L3MBTL2: variants seen among roughly 807,000 people sequenced by gnomAD.
The protein encoded by L3MBTL2 is lethal(3)malignant brain tumor-like protein 2.
Under a neutral mutation model 86.4 loss-of-function variants are expected in L3MBTL2, and 49 were observed. That is an observed-to-expected ratio of 0.57 (90% CI 0.45 to 0.72). L3MBTL2 has a LOEUF of 0.72. Among genes scored for constraint, L3MBTL2 ranks in the 30% least tolerant of loss-of-function variants. L3MBTL2 has a pLI of 0.00. For missense variants in L3MBTL2, 755 were observed against 923.7 expected (o/e 0.82, Z 2.37); for synonymous variants, 336 against 350.6 (o/e 0.96, Z 0.47).
Position 41,224,945 on chromosome 22 carries a change from C to G in L3MBTL2, c.1252-22C>G. The G allele has an allele frequency of 6.2e-7, 1 of 1,607,008 alleles. No homozygotes were observed. On this transcript the variant is annotated intron_variant, in intron 10 of 16. Transcript: ENST00000216237. This position sits in a 1 kb window ranked among gnomAD's most constrained non-coding sequence, Gnocchi z 4.9. Reference sequence around the variant, plus strand: ...TCCTCCTGGCCTGCCCAGGGAGTCCCCAGCTGTCCCATTCCTTTAAGGTAC... The same window carrying G: ...TCCTCCTGGCCTGCCCAGGGAGTCCGCAGCTGTCCCATTCCTTTAAGGTAC...
intron 2 of L3MBTL2, among the ~76,000 whole-genome samples, chr22:41,211,808 C>T (rs983879272): frequency 1.4e-5 from 2 of 147,872 alleles, no homozygotes; most frequent in Non-Finnish European, 3.0e-5. Flanking sequence ...CTGCCCTCCT[C>T]GGCCTCCAAA....
intron 15 of L3MBTL2, chr22:41,228,348 T>C (rs1159041555): frequency 2.0e-6 from 2 of 985,366 alleles, no homozygotes; most frequent in East Asian, 2.3e-4. Context: ...CACCTGGCTC[T>C]CAGGCCGTGG....
chr22:41,206,080 G>T, intron 1 of L3MBTL2: 1 of 152,058 alleles, frequency 6.6e-6, no homozygotes, highest in Non-Finnish European at 1.5e-5. Flanking sequence ...CCGTCTCCCG[G>T]GTTCAAGCAA....
At chr22:41,226,775 G>C (rs1043304710) in intron 13 of L3MBTL2, 31 bp downstream of exon 13, 2 of 1,536,414 alleles carry the variant, frequency 1.3e-6, no homozygotes, top group African/African-American at 2.7e-5. Context: ...CAAGGGGCCT[G>C]CGGTGGCCTC....
chr22:41,207,420 C>T (rs1024676886), intron 1 of L3MBTL2, among the ~76,000 whole-genome samples: 1 of 151,426 alleles, frequency 6.6e-6, no homozygotes, highest in African/African-American at 2.4e-5. Context: ...ACAGGGTTTC[C>T]CTATGTTGCC....
Position 41,220,653 on chromosome 22 carries a change from G to C in L3MBTL2, c.719-81G>C. 2.2e-6 allele frequency: 3 copies of C among 1,388,508 alleles called. No homozygotes were observed. The South Asian group carries it at 4.2e-5, about 19-fold the overall frequency. 86.0% of individuals were successfully genotyped at this position (1,388,508 alleles called of 1,614,324 possible). A position where few individuals can be genotyped will look rare whatever the true frequency, so the allele number is the denominator to read the frequency against. On this transcript the variant is annotated intron_variant, in intron 6 of 16. Transcript: ENST00000216237. ...AGCCTGGGCGACAGAGCAAGACTTC[G>C]TCTCAGAAAAAAAAAAAAAAAACAG... is the stretch of plus-strand genomic sequence containing the variant.
At chr22:41,207,670 T>C (rs1244037125) in intron 1 of L3MBTL2, among the ~76,000 whole-genome samples, 4 of 152,010 alleles carry the variant, frequency 2.6e-5, no homozygotes, top group Admixed American at 2.0e-4. Context: ...TTCTCCTTTC[T>C]TCACACCTTT....
chr22:41,227,020 C>G lies in L3MBTL2; in HGVS notation c.1588-69C>G. Reference sequence around the variant, plus strand: ...TCCCTGCCAGTTCTTCAAGTGCCTCCGGGCCGGGGCAAGCCTGCTGGGGTA... The same window carrying G: ...TCCCTGCCAGTTCTTCAAGTGCCTCGGGGCCGGGGCAAGCCTGCTGGGGTA... On this transcript the variant is annotated intron_variant, in intron 13 of 16. Transcript: ENST00000216237. This position sits in a 1 kb window ranked among gnomAD's most constrained non-coding sequence, Gnocchi z 6.0. 1 of 1,399,076 alleles carries G rather than the reference C, an allele frequency of 7.1e-7. No homozygotes were observed. Among genetic ancestry groups the G allele is most frequent in the Non-Finnish European group, 9.8e-7 (1 of 1,020,874 alleles). The allele number at this position is 1,399,076 out of a possible 1,614,324, so 86.7% of individuals were successfully genotyped here. A position where few individuals can be genotyped will look rare whatever the true frequency, so the allele number is the denominator to read the frequency against.
intron 2 of L3MBTL2, among the ~76,000 whole-genome samples, chr22:41,212,083 C>T (rs2030914725): frequency 6.6e-6 from 1 of 151,534 alleles, no homozygotes; most frequent in East Asian, 2.0e-4. Context: ...CCAGGATGGT[C>T]TCAATCTCCT....
rs2032209212 is a variant in L3MBTL2, at chr22:41,226,724, C to T, written c.1567C>T (p.Pro523Ser). ...YLEKTKSKAA[P>S]SRLFNMDCPN... ...GGAGAAGACCAAGTCGAAAGCCGCT[C>T]CATCGAGACTCTTTAACATGGTGAG... The change falls in exon 13 of 17, where the codon CCA becomes TCA. Residue 523 changes from proline (P) to serine (S), a missense_variant. By Grantham distance (74) the Pro-to-Ser change is moderately conservative. Transcript: ENST00000216237. 1 of 1,613,752 alleles carries T rather than the reference C, an allele frequency of 6.2e-7. No homozygotes were observed. Among genetic ancestry groups the T allele is most frequent in the African/African-American group, 1.3e-5 (1 of 75,064 alleles).
Position 41,225,007 on chromosome 22 carries a change from G to A in L3MBTL2, c.1292G>A (p.Gly431Glu), listed in dbSNP as rs1315488424. Reference protein sequence around the residue: ...VYTEGGWFEEGMKLEAIDPLN... With the variant: ...VYTEGGWFEEEMKLEAIDPLN... ...ACAGAAGGCGGTTGGTTTGAGGAAG[G>A]GATGAAGCTGGAGGCCATTGACCCC... is the stretch of plus-strand genomic sequence containing the variant. Residue 431 changes from glycine to glutamate, a missense_variant, in exon 11 of 17, where the codon GGG becomes GAG. Coordinates refer to ENST00000216237, the MANE Select transcript of L3MBTL2 (RefSeq NM_031488.5). The surrounding 1 kb of genome is among the most constrained non-coding windows in gnomAD (Gnocchi z 4.1). The A allele has an allele frequency of 6.2e-7, 1 of 1,614,108 alleles. No individual in the cohort carries two copies. Among genetic ancestry groups the A allele is most frequent in the East Asian group, 2.2e-5 (1 of 44,880 alleles).
Position 41,229,597 on chromosome 22 carries a change from T to C in L3MBTL2, c.1946T>C (p.Leu649Pro), listed in dbSNP as rs753546507. The change falls in exon 16 of 17, where the codon CTG (leucine) becomes CCG (proline). Residue 649 changes from leucine (L) to proline (P), a missense_variant. Leu to Pro is a moderately conservative substitution (Grantham distance 98). Transcript: ENST00000216237. ...RPLRQGSKKP[L>P]LEDDPQGARK... ...CTCAGACAGGGGTCCAAGAAGCCCC[T>C]GCTGGAGGACGACCCTCAGGGTGCC... 6.2e-6 allele frequency: 10 copies of C among 1,613,618 alleles called. No homozygotes were observed. The African/African-American group carries it at 1.3e-4, about 22-fold the overall frequency.
chr22:41,225,107 C>A lies in L3MBTL2; in HGVS notation c.1356+36C>A. 1 of 1,558,724 alleles carries A rather than the reference C, an allele frequency of 6.4e-7. No individual in the cohort carries two copies. The highest frequency in any genetic ancestry group is 8.8e-7 in the Non-Finnish European group (1 of 1,136,460). ...GGCCGGCTCTCCAGCCTCCAGATTT[C>A]TGAGCGGGGGGACCCATGTGGCCCA... is the stretch of plus-strand genomic sequence containing the variant. On this transcript the variant is annotated intron_variant, in intron 11 of 16. Coordinates refer to ENST00000216237, the MANE Select transcript of L3MBTL2 (RefSeq NM_031488.5). The surrounding 1 kb of genome is among the most constrained non-coding windows in gnomAD (Gnocchi z 4.1).
chr22:41,217,884 A>T (rs1273956458), intron 5 of L3MBTL2: 1 of 152,042 alleles, frequency 6.6e-6, no homozygotes, highest in Non-Finnish European at 1.5e-5. Flanking sequence ...CTGCCACTGA[A>T]CTCTGGGGAG....
chr22:41,221,387 C>CCTG, intron 8 of L3MBTL2, 100 bp downstream of exon 8: 1 of 975,014 alleles, frequency 1.0e-6, no homozygotes. Flanking sequence ...GACCCCTTGC[C>CCTG]TGATGATCTT....
Position 41,219,510 on chromosome 22 carries a change from G to A in L3MBTL2, c.692G>A (p.Trp231Ter), listed in dbSNP as rs1223624810. The part of the protein sequence containing the change: ...SDAVLPSRVY[W>*]IASVIQTAGY... The stretch of plus-strand genomic sequence containing the variant: ...GCTGTGCTCCCCAGCCGGGTGTACT[G>A]GATCGCCTCTGTCATCCAGACAGCA... The change falls in exon 6 of 17, where the codon TGG becomes TAG. Residue 231 changes from tryptophan to a stop codon, truncating the protein, a stop_gained. Coordinates refer to ENST00000216237, the MANE Select transcript of L3MBTL2 (RefSeq NM_031488.5). LOFTEE classifies it high-confidence loss of function. The A allele has an allele frequency of 1.2e-6, 2 of 1,613,706 alleles. No homozygotes were observed. Among genetic ancestry groups the A allele is most frequent in the Non-Finnish European group, 1.7e-6 (2 of 1,179,690 alleles).
intron 2 of L3MBTL2, among the ~76,000 whole-genome samples, chr22:41,210,180 C>T (rs1328726060): frequency 1.6e-5 from 2 of 125,524 alleles, no homozygotes; most frequent in Admixed American, 1.0e-4. Flanking sequence ...ACTTGAGTGT[C>T]GCCCTGTTGC....
chr22:41,227,942 G>C lies in L3MBTL2; in HGVS notation c.1888+73G>C, dbSNP rs951882536. The C allele has an allele frequency of 6.4e-7, 1 of 1,569,990 alleles. No homozygotes were observed. Among genetic ancestry groups the C allele is most frequent in the African/African-American group, 1.4e-5 (1 of 73,616 alleles). ...TGGGCCTGCGTCCCTGGGAGCAGGC[G>C]GGGGTCAGCCCCCAGGCACTGGTTC... On this transcript the variant is annotated intron_variant, in intron 15 of 16. Coordinates refer to ENST00000216237, the MANE Select transcript of L3MBTL2 (RefSeq NM_031488.5). This position sits in a 1 kb window ranked among gnomAD's most constrained non-coding sequence, Gnocchi z 6.0.
At position 41,219,500 on chromosome 22, in the gene L3MBTL2, C is replaced by T. The variant is rs761878042; in HGVS notation, c.682C>T (p.Arg228Trp). The change falls in exon 6 of 17, where the codon CGG (arginine) becomes TGG (tryptophan). Residue 228 changes from arginine to tryptophan, a missense_variant. Transcript: ENST00000216237. Reference protein sequence around the residue: ...VLNSDAVLPSRVYWIASVIQT... With the variant: ...VLNSDAVLPSWVYWIASVIQT... The stretch of plus-strand genomic sequence containing the variant: ...CAACAGTGATGCTGTGCTCCCCAGC[C>T]GGGTGTACTGGATCGCCTCTGTCAT... The T allele has an allele frequency of 6.8e-6, 11 of 1,613,846 alleles. No individual in the cohort carries two copies. The highest frequency in any genetic ancestry group is 3.3e-5 in the South Asian group (3 of 91,064).
Sources: allele counts gnomAD v4.1 joint callset (sites outside exome capture counted in the v4.1 genomes callset), GRCh38; gene constraint gnomAD v4.1.1; non-coding constraint Gnocchi (gnomAD v3.1); transcripts MANE v1.5; gene names NCBI Gene and HGNC (gene_info 2026-07-23, HGNC 2026-07-21).